The following UNC13C variants were observed in gnomAD, a reference collection of about 807,000 sequenced individuals.
UNC13C encodes protein unc-13 homolog C.
UNC13C carries 174 observed loss-of-function variants against 245.4 expected under a neutral mutation model. That is an observed-to-expected ratio of 0.71 (90% confidence interval 0.63 to 0.80). UNC13C has a LOEUF of 0.80. UNC13C is among the 30% of genes least tolerant of loss of function. The pLI is 0.00. For synonymous variants in UNC13C, 992 were observed against 895.1 expected, an observed-to-expected ratio of 1.11 and a Z score of -1.93; for missense variants, 2,829 against 2,602.9, an observed-to-expected ratio of 1.09 and a Z score of -1.89.
chr15:54,367,720 A>C (rs976752236), intron 17 of UNC13C, among the ~76,000 whole-genome samples: 2 of 152,150 alleles, frequency 1.3e-5, no homozygotes, highest in Non-Finnish European at 2.9e-5. Context: ...ATCTAGTCTC[A>C]GTTAAATCTT....
intron 4 of UNC13C, among the ~76,000 whole-genome samples, chr15:54,175,361 A>G (rs76526583): frequency 0.035 from 5,401 of 152,182 alleles, 281 homozygotes; most frequent in East Asian, 0.11. Context: ...ATGGTGTCCA[A>G]TCTGTCTCCA....
chr15:54,359,745 T>C (rs1377856876), intron 17 of UNC13C, among the ~76,000 whole-genome samples: 1 of 151,942 alleles, frequency 6.6e-6, no homozygotes, highest in Non-Finnish European at 1.5e-5. Flanking sequence ...TTCTCTCTTT[T>C]GTACTTACAC....
At chr15:54,628,968 C>T (rs891801456), downstream of UNC13C, 3 of 151,950 alleles carry the variant, frequency 2.0e-5, no homozygotes, top group African/African-American at 7.3e-5. Flanking sequence ...AACATTCTAC[C>T]ATAAACACAT....
chr15:54,378,475 T>C (rs1182230764), intron 17 of UNC13C, among the ~76,000 whole-genome samples: 1 of 152,078 alleles, frequency 6.6e-6, no homozygotes, highest in African/African-American at 2.4e-5. Context: ...GCATGTCTCT[T>C]GGATCCTCAG....
At chr15:54,291,139 G>T (rs911337209) in intron 10 of UNC13C, among the ~76,000 whole-genome samples, 2 of 151,930 alleles carry the variant, frequency 1.3e-5, no homozygotes, top group Non-Finnish European at 2.9e-5. Flanking sequence ...TAAATTTTGG[G>T]TAAATTACCA....
chr15:53,990,977 A>G (rs944344779), intron 1 of UNC13C, among the ~76,000 whole-genome samples: 3 of 152,014 alleles, frequency 2.0e-5, no homozygotes, highest in East Asian at 1.9e-4. Flanking sequence ...GGGGAGTACA[A>G]ATACTCCAGT....
intron 30 of UNC13C, among the ~76,000 whole-genome samples, chr15:54,609,114 G>A (rs1328872998): frequency 6.6e-6 from 1 of 152,182 alleles, no homozygotes; most frequent in African/African-American, 2.4e-5. Context: ...TCTCTTGGAT[G>A]TGTTTGCATT....
the UNC13C span, among the ~76,000 whole-genome samples, chr15:53,899,072 C>T: frequency 6.6e-6 from 1 of 151,912 alleles, no homozygotes; most frequent in African/African-American, 2.4e-5. Flanking sequence ...TCATTTTCAT[C>T]CTTAAAGACT....
chr15:54,367,951 A>T lies in UNC13C; in HGVS notation c.4714-25097A>T, dbSNP rs183588490. ...TGGCTAGTGGCTACTGTATTGGAAAACATAACTCTGGAACTCAGAACAAAT... is the reference window on the plus strand; with the variant it reads ...TGGCTAGTGGCTACTGTATTGGAAATCATAACTCTGGAACTCAGAACAAAT... On this transcript the variant is annotated intron_variant, in intron 17 of 32. Transcript: ENST00000260323. Among the ~76,000 whole-genome samples, 264 of 152,258 alleles carry T rather than the reference A, an allele frequency of 1.7e-3. 2 individuals are homozygous for T. Among genetic ancestry groups the T allele is most frequent in the Admixed American group, 0.015 (229 of 15,278 alleles).
intron 16 of UNC13C, 55 bp downstream of exon 16, chr15:54,333,911 C>A: frequency 7.5e-7 from 1 of 1,336,642 alleles, no homozygotes. Flanking sequence ...ACATTCATCC[C>A]CTGGTAAAGT....
chr15:54,402,064 TA>T (rs55783137), intron 18 of UNC13C, among the ~76,000 whole-genome samples: 27,993 of 139,006 alleles, frequency 0.2, 2,585 homozygotes, highest in Middle Eastern at 0.25. Flanking sequence ...TGTTGAAATG[TA>T]AAAAAAAAAA....
At chr15:54,350,172 AG>A (rs1205419650) in intron 17 of UNC13C, among the ~76,000 whole-genome samples, 1 of 152,078 alleles carries the variant, frequency 6.6e-6, no homozygotes, top group African/African-American at 2.4e-5. Context: ...TTGTATTTTT[AG>A]TACTGACGGG....
At chr15:54,287,344 C>T (rs2037175404) in intron 10 of UNC13C, among the ~76,000 whole-genome samples, 1 of 152,172 alleles carries the variant, frequency 6.6e-6, no homozygotes, top group South Asian at 2.1e-4. Context: ...TAGAACACAG[C>T]AAGTATAAAA....
intron 10 of UNC13C, among the ~76,000 whole-genome samples, chr15:54,268,651 A>G (rs2036608034): frequency 6.6e-6 from 1 of 152,134 alleles, no homozygotes; most frequent in Non-Finnish European, 1.5e-5. Context: ...GGAATGAAAT[A>G]GTGCTCAATT....
chr15:54,052,733 G>C (rs1321780476), intron 2 of UNC13C, among the ~76,000 whole-genome samples: 1 of 152,176 alleles, frequency 6.6e-6, no homozygotes. Flanking sequence ...TTCCTGGGTT[G>C]TAAAGGTTGT....
intron 17 of UNC13C, among the ~76,000 whole-genome samples, chr15:54,385,870 T>C (rs146517461): frequency 1.3e-5 from 2 of 152,200 alleles, no homozygotes; most frequent in Non-Finnish European, 2.9e-5. Flanking sequence ...AAAAGAATGC[T>C]CTAAAACTGG....
the UNC13C span, among the ~76,000 whole-genome samples, chr15:53,932,118 G>A: frequency 6.6e-6 from 1 of 152,064 alleles, no homozygotes; most frequent in African/African-American, 2.4e-5. Flanking sequence ...AGACCAGCCT[G>A]GCCAACATGG....
At chr15:54,362,086 C>G (rs568199823) in intron 17 of UNC13C, among the ~76,000 whole-genome samples, 1 of 152,334 alleles carries the variant, frequency 6.6e-6, no homozygotes, top group South Asian at 2.1e-4. Flanking sequence ...AGCCAGTCTC[C>G]TTACTGTGGC....
At chr15:54,010,000 C>A (rs534645549) in intron 1 of UNC13C, among the ~76,000 whole-genome samples, 1 of 152,146 alleles carries the variant, frequency 6.6e-6, no homozygotes, top group South Asian at 2.1e-4. Context: ...TCAGAGGCAT[C>A]CCTCTCTGGA....
Sources: gnomAD v4.1 joint callset for allele counts (sites outside exome capture counted in the v4.1 genomes callset) on GRCh38, gnomAD v4.1.1 for gene constraint, MANE v1.5 for transcripts, NCBI Gene and HGNC (gene_info 2026-07-23, HGNC 2026-07-21) for gene names.